MSL3B: variants seen among roughly 807,000 people sequenced by gnomAD.
MSL3B encodes MSL complex subunit 3 pseudogene 1.
the MSL3B span, chr2:233,868,081 C>T: frequency 7.2e-4 from 207 of 288,992 alleles, 1 homozygote; most frequent in African/African-American, 4.3e-3. Context: ...AGGCACCGCA[C>T]CTGGCCAATC....
chr2:233,867,117 G>A, the MSL3B span: 3 of 878,512 alleles, frequency 3.4e-6, no homozygotes, highest in Non-Finnish European at 5.9e-6. Flanking sequence ...CGTTTCCTCC[G>A]ATTAATGTAG....
At chr2:233,867,911 C>A in the MSL3B span, among the ~76,000 whole-genome samples, 2 of 151,750 alleles carry the variant, frequency 1.3e-5, no homozygotes, top group African/African-American at 4.8e-5. Flanking sequence ...CTGCCTCAGC[C>A]TCACAAATAG....
At chr2:233,865,002 G>A in the MSL3B span, among the ~76,000 whole-genome samples, 3 of 152,140 alleles carry the variant, frequency 2.0e-5, no homozygotes, top group South Asian at 2.1e-4. Flanking sequence ...TGGGTGGCAC[G>A]TCATTCTCTC....
chr2:233,866,213 T>C, the MSL3B span: 2 of 673,354 alleles, frequency 3.0e-6, no homozygotes, highest in African/African-American at 3.6e-5. Flanking sequence ...GAAGTCATCG[T>C]GGTATTCTGC....
chr2:233,866,707 G>A, the MSL3B span: 4 of 791,172 alleles, frequency 5.1e-6, no homozygotes, highest in East Asian at 2.4e-5. Flanking sequence ...CTGGTTCACC[G>A]CTGGTCGACT....
chr2:233,866,066 AT>A, the MSL3B span: 1 of 441,150 alleles, frequency 2.3e-6, no homozygotes. Flanking sequence ...CACCTTGTTA[AT>A]TTTTTACCTG....
At chr2:233,866,411 A>G in the MSL3B span, 1 of 1,134,392 alleles carries the variant, frequency 8.8e-7, no homozygotes, top group African/African-American at 1.5e-5. Flanking sequence ...CTTCCAGGAG[A>G]GGACCTCATT....
the MSL3B span, chr2:233,866,837 G>A: frequency 4.5e-6 from 5 of 1,100,906 alleles, no homozygotes; most frequent in African/African-American, 1.5e-5. Flanking sequence ...CTTAGATGCA[G>A]TCACCTTTTT....
chr2:233,867,176 GT>G, the MSL3B span: 3 of 785,992 alleles, frequency 3.8e-6, no homozygotes, highest in Admixed American at 5.1e-5. Flanking sequence ...GATTTCTAGA[GT>G]TACTGTTCTT....
At chr2:233,866,679 T>A in the MSL3B span, 1 of 789,984 alleles carries the variant, frequency 1.3e-6, no homozygotes. Flanking sequence ...GGCTCGGCTT[T>A]GCGCCTTTTA....
chr2:233,868,263 A>G, the MSL3B span: 1 of 360,102 alleles, frequency 2.8e-6, no homozygotes, highest in South Asian at 2.6e-5. Context: ...GGAGCGTCCC[A>G]CGGGAGCCTA....
At chr2:233,865,410 A>G in the MSL3B span, 9 of 152,160 alleles carry the variant, frequency 5.9e-5, no homozygotes, top group Non-Finnish European at 1.0e-4. Context: ...AATCGTCATT[A>G]TATCTGTAGT....
chr2:233,866,713 CGACT>C, the MSL3B span: 209 of 792,166 alleles, frequency 2.6e-4, no homozygotes, highest in African/African-American at 3.1e-3. Flanking sequence ...CACCGCTGGT[CGACT>C]GACTCTCTGT....
the MSL3B span, chr2:233,866,869 A>C: frequency 7.1e-7 from 1 of 1,402,750 alleles, no homozygotes; most frequent in Non-Finnish European, 1.0e-6. Context: ...GTTCATAGGG[A>C]TAGAGTAAAA....
At chr2:233,867,123 T>C in the MSL3B span, 1 of 864,706 alleles carries the variant, frequency 1.2e-6, no homozygotes, top group Non-Finnish European at 2.0e-6. Flanking sequence ...CTCCGATTAA[T>C]GTAGTAACAA....
the MSL3B span, chr2:233,867,495 A>G: frequency 3.1e-6 from 1 of 327,620 alleles, no homozygotes; most frequent in African/African-American, 2.2e-5. Flanking sequence ...TTTTTTTGTG[A>G]CAAGAGTTTC....
At chr2:233,866,401 C>T in the MSL3B span, 19 of 1,081,658 alleles carry the variant, frequency 1.8e-5, no homozygotes, top group Non-Finnish European at 2.6e-5. Flanking sequence ...CAGGTACGAG[C>T]TTCCAGGAGA....
the MSL3B span, chr2:233,866,880 C>A: frequency 6.8e-7 from 1 of 1,459,924 alleles, no homozygotes; most frequent in Non-Finnish European, 9.6e-7. Flanking sequence ...TAGAGTAAAA[C>A]CAACGGGAGA....
the MSL3B span, among the ~76,000 whole-genome samples, chr2:233,867,720 C>G: frequency 1.3e-5 from 2 of 151,462 alleles, no homozygotes; most frequent in East Asian, 3.9e-4. Flanking sequence ...TCAAGTGATC[C>G]GCCCACCTCG....
Sources: allele counts gnomAD v4.1 joint callset (sites outside exome capture counted in the v4.1 genomes callset), GRCh38; gene constraint gnomAD v4.1.1; transcripts MANE v1.5; gene names NCBI Gene and HGNC (gene_info 2026-07-23, HGNC 2026-07-21).